The following PTPRN2 variants were observed in gnomAD, a reference collection of about 807,000 sequenced individuals.
PTPRN2 encodes protein tyrosine phosphatase receptor type N2, also known as receptor-type tyrosine-protein phosphatase N2.
A neutral mutation model predicts 118.8 loss-of-function variants in PTPRN2; 74 were observed. That is an observed-to-expected ratio of 0.62 (90% CI 0.52 to 0.76). The LOEUF is 0.76. PTPRN2 is among the 30% of genes least tolerant of loss of function. The pLI is 0.00. For synonymous variants in PTPRN2, 641 were observed against 608.0 expected (o/e 1.05, Z -0.80); for missense variants, 1,481 against 1,394.4 (o/e 1.06, Z -0.99).
intron 2 of PTPRN2, among the ~76,000 whole-genome samples, chr7:158,403,781 T>G (rs974971214): frequency 2.0e-5 from 3 of 152,180 alleles, no homozygotes; most frequent in African/African-American, 7.2e-5. Context: ...TGAATCTTGA[T>G]TCCCCCAGAG....
At chr7:157,660,614 G>A (rs1052371763) in intron 13 of PTPRN2, among the ~76,000 whole-genome samples, 3 of 152,162 alleles carry the variant, frequency 2.0e-5, no homozygotes, top group South Asian at 2.1e-4. Flanking sequence ...TTAGCATGGA[G>A]GCAGCTACAG....
chr7:157,923,788 G>A (rs969389007), intron 11 of PTPRN2, among the ~76,000 whole-genome samples: 4 of 152,142 alleles, frequency 2.6e-5, no homozygotes, highest in Non-Finnish European at 4.4e-5. Context: ...TTCAGGAATC[G>A]ACAGTGTTAG....
chr7:157,638,546 G>A (rs914541184), intron 14 of PTPRN2, among the ~76,000 whole-genome samples: 43 of 152,248 alleles, frequency 2.8e-4, no homozygotes, highest in African/African-American at 9.2e-4. Context: ...GAGGAGTTTG[G>A]AGGAGAAGAG....
intron 11 of PTPRN2, among the ~76,000 whole-genome samples, chr7:157,932,723 G>T (rs1178492694): frequency 6.6e-6 from 1 of 151,658 alleles, no homozygotes; most frequent in Non-Finnish European, 1.5e-5. Context: ...AAGAGGAGGG[G>T]TGAGTCACTC....
At chr7:157,569,459 CCTT>C (rs1355397812) in intron 20 of PTPRN2, among the ~76,000 whole-genome samples, 4 of 152,228 alleles carry the variant, frequency 2.6e-5, no homozygotes, top group African/African-American at 9.6e-5. Flanking sequence ...GCCTGCCACC[CCTT>C]CTAAACGCAG....
intron 6 of PTPRN2, among the ~76,000 whole-genome samples, chr7:158,141,694 TG>T (rs1819403834): frequency 6.6e-6 from 1 of 152,162 alleles, no homozygotes; most frequent in Non-Finnish European, 1.5e-5. Flanking sequence ...GGGTCTCGCA[TG>T]GAAAGGGTCA....
chr7:158,153,156 G>A (rs1821370341), intron 6 of PTPRN2, among the ~76,000 whole-genome samples: 1 of 152,194 alleles, frequency 6.6e-6, no homozygotes, highest in Non-Finnish European at 1.5e-5. Context: ...GGGGCAGTCT[G>A]AGGAGAGCCC....
intron 11 of PTPRN2, among the ~76,000 whole-genome samples, chr7:158,057,514 A>G (rs1248886101): frequency 6.6e-6 from 1 of 152,150 alleles, no homozygotes; most frequent in African/African-American, 2.4e-5. Context: ...CTGGCCCCAC[A>G]ACAGAGTTCT....
intron 5 of PTPRN2, among the ~76,000 whole-genome samples, chr7:158,176,804 C>A (rs145226362): frequency 2.6e-5 from 4 of 152,320 alleles, no homozygotes; most frequent in East Asian, 1.9e-4. Flanking sequence ...CATGAGGGGG[C>A]AAACTTTTAA....
At chr7:157,748,410 G>A (rs540944312) in intron 12 of PTPRN2, among the ~76,000 whole-genome samples, 4 of 142,698 alleles carry the variant, frequency 2.8e-5, no homozygotes, top group East Asian at 4.5e-4. Context: ...CCTGAGCTGC[G>A]GGGTTTCTCG....
chr7:157,635,468 G>T (rs17837787), intron 14 of PTPRN2, among the ~76,000 whole-genome samples: 12,959 of 152,346 alleles, frequency 0.085, 961 homozygotes, highest in African/African-American at 0.2. Context: ...TCGGACAAAT[G>T]GTTACCAGTG....
At chr7:158,508,673 ACGCTCGGAGCAGGTGCGGAAGTGGCTC>A (rs1822956993) in intron 1 of PTPRN2, among the ~76,000 whole-genome samples, 1 of 115,396 alleles carries the variant, frequency 8.7e-6, no homozygotes, top group African/African-American at 3.7e-5. Flanking sequence ...GCAACGTGGG[ACGCTCGGAGCAGGTGCGGAAGTGGCTC>A]TGCTCCTGTG....
chr7:157,640,745 A>C (rs914203574), intron 14 of PTPRN2, among the ~76,000 whole-genome samples: 2 of 152,228 alleles, frequency 1.3e-5, no homozygotes, highest in Admixed American at 6.5e-5. Context: ...TCTCAAGTGC[A>C]GGGGCACCAG....
intron 12 of PTPRN2, chr7:157,863,950 T>A (rs548630866): frequency 1.3e-5 from 2 of 152,298 alleles, no homozygotes; most frequent in East Asian, 3.9e-4. Context: ...AGCTGCCCTG[T>A]CTGTGGGACT....
At chr7:157,621,961 G>T (rs1803279873) in intron 14 of PTPRN2, among the ~76,000 whole-genome samples, 1 of 151,958 alleles carries the variant, frequency 6.6e-6, no homozygotes. Flanking sequence ...GCAAAATGCG[G>T]GACAGCTTCT....
In PTPRN2 at chr7:157,977,870, G is replaced by C. The variant is rs965672698; in HGVS notation, c.1724-79133C>G. Among the ~76,000 whole-genome samples the C allele has an allele frequency of 2.0e-5, 3 of 151,842 alleles. No homozygotes were observed. Among genetic ancestry groups the C allele is most frequent in the African/African-American group, 7.2e-5 (3 of 41,404 alleles). ...ACAAGACTGGTGGCAGCTGGGACAA[G>C]AGTCGTGGCTGAGGAGGAGGGAAGG... On this transcript the variant is annotated intron_variant, in intron 11 of 22. Coordinates refer to ENST00000389418, the MANE Select transcript of PTPRN2 (RefSeq NM_002847.5). The surrounding 1 kb of genome is among the most constrained non-coding windows in gnomAD (Gnocchi z 4.6).
intron 1 of PTPRN2, among the ~76,000 whole-genome samples, chr7:158,558,295 T>C (rs1249319975): frequency 6.6e-6 from 1 of 152,224 alleles, no homozygotes; most frequent in Non-Finnish European, 1.5e-5. Flanking sequence ...TCTTTTAAAA[T>C]AATTCTTACA....
At chr7:157,752,243 C>T (rs1271537384) in intron 12 of PTPRN2, among the ~76,000 whole-genome samples, 2 of 152,200 alleles carry the variant, frequency 1.3e-5, no homozygotes, top group African/African-American at 4.8e-5. Flanking sequence ...TCGGCCATCA[C>T]GGATGTAGCG....
chr7:158,307,580 C>T (rs1158803053), intron 3 of PTPRN2, among the ~76,000 whole-genome samples: 1 of 152,114 alleles, frequency 6.6e-6, no homozygotes, highest in Non-Finnish European at 1.5e-5. Flanking sequence ...ATATCTAAGA[C>T]ACTCAATGAA....
Sources: allele counts gnomAD v4.1 joint callset (sites outside exome capture counted in the v4.1 genomes callset), GRCh38; gene constraint gnomAD v4.1.1; non-coding constraint Gnocchi (gnomAD v3.1); transcripts MANE v1.5; gene names NCBI Gene and HGNC (gene_info 2026-07-23, HGNC 2026-07-21).